RAMP1: variants seen among roughly 807,000 people sequenced by gnomAD.
RAMP1 encodes receptor activity-modifying protein 1.
RAMP1 carries 7 observed loss-of-function variants against 8.2 expected under a neutral mutation model. The ratio of observed to expected loss-of-function variants is 0.85; its 90% CI spans 0.49 to 1.60. RAMP1 has a LOEUF of 1.60. Ranked by LOEUF, RAMP1 falls within the 40% of genes most tolerant of loss-of-function variation. The pLI, the probability that RAMP1 is intolerant of heterozygous loss-of-function variation, is 0.00. For synonymous variants in RAMP1, 92 were observed against 84.7 expected (o/e 1.09, Z -0.47); for missense variants, 192 against 202.4 (o/e 0.95, Z 0.31).
intron 1 of RAMP1, among the ~76,000 whole-genome samples, chr2:237,872,641 G>C (rs369600117): frequency 1.6e-3 from 248 of 152,318 alleles, no homozygotes; most frequent in African/African-American, 5.6e-3. Context: ...CATCCAGGCT[G>C]TACCACTCCT....
intron 2 of RAMP1, among the ~76,000 whole-genome samples, chr2:237,884,902 A>G (rs780878553): frequency 1.3e-5 from 2 of 152,186 alleles, no homozygotes; most frequent in Non-Finnish European, 2.9e-5. Context: ...TGCTCAGAGG[A>G]CGGGGCTCCA....
chr2:237,873,408 TG>T, intron 1 of RAMP1, among the ~76,000 whole-genome samples: 1 of 152,316 alleles, frequency 6.6e-6, no homozygotes, highest in Non-Finnish European at 1.5e-5. Flanking sequence ...GGGTCCCCTG[TG>T]GGGGGCCCGG....
At chr2:237,858,891 A>G (rs1026880481), upstream of RAMP1, 5 of 152,572 alleles carry the variant, frequency 3.3e-5, no homozygotes, top group African/African-American at 9.7e-5. This position sits in a 1 kb window ranked among gnomAD's most constrained non-coding sequence, Gnocchi z 4.4. Context: ...TCAGTTTTCC[A>G]TGCAGCTGCC....
intron 1 of RAMP1, among the ~76,000 whole-genome samples, chr2:237,875,336 G>T (rs1045995149): frequency 2.9e-4 from 44 of 152,024 alleles, no homozygotes; most frequent in African/African-American, 9.9e-4. Flanking sequence ...TGTGCTGTCG[G>T]GAAGCAGCAT....
chr2:237,877,933 C>T lies in RAMP1; in HGVS notation c.191+571C>T. ...CCCGCTTGAGGGGCTCCCTCATTGC[C>T]TCCCTCAGCCTCCTGGGTGCTGGGC... On this transcript the variant is annotated intron_variant, in intron 2 of 2. Transcript: ENST00000254661. The surrounding 1 kb of genome is among the most constrained non-coding windows in gnomAD (Gnocchi z 4.4). 1.0e-6 allele frequency: 1 copy of T among 984,946 alleles called. No homozygotes were observed. The highest frequency in any genetic ancestry group is 1.2e-6 in the Non-Finnish European group (1 of 829,450). 61.0% of individuals were successfully genotyped at this position (984,946 alleles called of 1,614,324 possible).
rs114000956 is a variant in RAMP1, at chr2:237,891,145, T to C, written c.191+13783T>C. 9.6e-3 allele frequency among the ~76,000 whole-genome samples: 1,460 copies of C among 151,970 alleles called. 27 individuals carry two copies. Among genetic ancestry groups the C allele is most frequent in the African/African-American group, 0.034 (1,411 of 41,384 alleles). Reference sequence around the variant, plus strand: ...GGTTTTGATATGTCAGTTTTTTTCATTGTATTCTCTTTTTTTTTTTTTGAG... The same window carrying C: ...GGTTTTGATATGTCAGTTTTTTTCACTGTATTCTCTTTTTTTTTTTTTGAG... On this transcript the variant is annotated intron_variant, in intron 2 of 2. Coordinates refer to ENST00000254661, the MANE Select transcript of RAMP1 (RefSeq NM_005855.4).
chr2:237,902,616 T>A (rs1180956883), intron 2 of RAMP1, among the ~76,000 whole-genome samples: 1 of 151,756 alleles, frequency 6.6e-6, no homozygotes, highest in East Asian at 1.9e-4. Context: ...CCACTGAGAC[T>A]GGAGAGGCCC....
intron 2 of RAMP1, among the ~76,000 whole-genome samples, chr2:237,898,064 G>A (rs2062560873): frequency 1.3e-5 from 2 of 152,184 alleles, no homozygotes; most frequent in African/African-American, 4.8e-5. Context: ...CTCCCACAGT[G>A]CTGGGATTGC....
At chr2:237,888,774 T>C (rs1304709808) in intron 2 of RAMP1, among the ~76,000 whole-genome samples, 2 of 151,814 alleles carry the variant, frequency 1.3e-5, no homozygotes, top group African/African-American at 2.4e-5. Context: ...AATTCTTTTT[T>C]TTGTTTGTTT....
intron 2 of RAMP1, among the ~76,000 whole-genome samples, chr2:237,901,429 T>C (rs2062595449): frequency 6.6e-6 from 1 of 152,214 alleles, no homozygotes. Context: ...CCAAATATGA[T>C]TGAAGCATCC....
chr2:237,891,550 C>CTGTT (rs1398125504), intron 2 of RAMP1, among the ~76,000 whole-genome samples: 1 of 152,106 alleles, frequency 6.6e-6, no homozygotes, highest in Admixed American at 6.5e-5. Flanking sequence ...ATTTCTATTT[C>CTGTT]TGTTTGTTCT....
At chr2:237,901,959 C>T (rs1215402672) in intron 2 of RAMP1, among the ~76,000 whole-genome samples, 2 of 152,004 alleles carry the variant, frequency 1.3e-5, no homozygotes, top group Non-Finnish European at 2.9e-5. Context: ...GATGGGGCCT[C>T]AGGAGGGGAG....
Position 237,911,817 on chromosome 2 carries a change from C to T in RAMP1, c.*34C>T, listed in dbSNP as rs551066247. 63 of 1,560,874 alleles carry T rather than the reference C, an allele frequency of 4.0e-5. No individual in the cohort carries two copies. Among genetic ancestry groups the T allele is most frequent in the Admixed American group, 3.8e-5 (2 of 52,956 alleles). ...CAGGCTGCCCGCGGGTGCACCCAGG[C>T]TGCAGGGTGAGGCCAGGCAGGCCTG... On this transcript the variant is annotated 3_prime_UTR_variant, in exon 3 of 3. Transcript: ENST00000254661.
At position 237,900,124 on chromosome 2, in the gene RAMP1, ACTT is replaced by A. The variant is rs369070112; in HGVS notation, c.192-11397_192-11395del. Among the ~76,000 whole-genome samples the A allele has an allele frequency of 3.2e-3, 489 of 152,048 alleles. 3 individuals are homozygous for A. Among genetic ancestry groups the A allele is most frequent in the African/African-American group, 0.011 (469 of 41,494 alleles). On this transcript the variant is annotated intron_variant, in intron 2 of 2. Coordinates refer to ENST00000254661, the MANE Select transcript of RAMP1 (RefSeq NM_005855.4). ...CCTTTTTTACGTATTAATCTCTTAT[ACTT>A]CTTCTTTTTCTTTTCTGTTTTTTGT...
intron 2 of RAMP1, among the ~76,000 whole-genome samples, chr2:237,879,418 C>T (rs2062342695): frequency 6.6e-6 from 1 of 151,744 alleles, no homozygotes. Flanking sequence ...GAGAGTTCGC[C>T]ATCCTCGGAG....
chr2:237,888,818 C>T (rs687877), intron 2 of RAMP1, among the ~76,000 whole-genome samples: 23,326 of 152,066 alleles, frequency 0.15, 1,895 homozygotes, highest in Middle Eastern at 0.27. Flanking sequence ...CTTGCCCAGG[C>T]TGGAGTGCAG....
chr2:237,882,802 G>A (rs975616502), intron 2 of RAMP1, among the ~76,000 whole-genome samples: 2 of 138,324 alleles, frequency 1.4e-5, no homozygotes, highest in East Asian at 4.4e-4. Flanking sequence ...GGTGAGAGGC[G>A]CTAGGCTGCC....
At chr2:237,859,804 GGGTGGGAGC>G in intron 1 of RAMP1, 77 bp downstream of exon 1, 1 of 1,069,336 alleles carries the variant, frequency 9.4e-7, no homozygotes, top group East Asian at 6.3e-5. Context: ...GGAGGGGAGC[GGGTGGGAGC>G]GGGTGGGAGC....
chr2:237,875,693 G>A (rs1026003065), intron 1 of RAMP1, among the ~76,000 whole-genome samples: 6 of 152,126 alleles, frequency 3.9e-5, no homozygotes, highest in African/African-American at 1.4e-4. Context: ...CCTCAGCCCC[G>A]TGCAGGGCTC....
Sources: allele counts gnomAD v4.1 joint callset (sites outside exome capture counted in the v4.1 genomes callset), GRCh38; gene constraint gnomAD v4.1.1; non-coding constraint Gnocchi (gnomAD v3.1); transcripts MANE v1.5; gene names NCBI Gene and HGNC (gene_info 2026-07-23, HGNC 2026-07-21).